The following APOLD1 variants were observed in gnomAD, a reference collection of about 807,000 sequenced individuals.
APOLD1 encodes apolipoprotein L domain containing 1.
A neutral mutation model predicts 15.3 loss-of-function variants in APOLD1; 22 were observed. The ratio of observed to expected loss-of-function variants is 1.44; its 90% CI spans 1.03 to 2.05. APOLD1 has a LOEUF of 2.05. Among genes scored for constraint, APOLD1 ranks in the 30% most tolerant of loss-of-function variants. The probability of loss-of-function intolerance (pLI) is 0.00; values close to 1 mark genes in which losing one functional copy is unlikely to be tolerated. For missense variants in APOLD1, 394 were observed against 353.5 expected (o/e 1.11, Z -0.92); for synonymous variants, 190 against 167.4 (o/e 1.13, Z -1.04).
intron 1 of APOLD1, among the ~76,000 whole-genome samples, chr12:12,769,756 G>C (rs77587146): frequency 0.066 from 10,053 of 152,244 alleles, 501 homozygotes; most frequent in East Asian, 0.2. Flanking sequence ...CTCCAGCCTA[G>C]TCTAGCTATG....
chr12:12,788,733 C>G lies in APOLD1; in HGVS notation c.*1081C>G, dbSNP rs1233776663. On this transcript the variant is annotated 3_prime_UTR_variant, in exon 2 of 2. Coordinates refer to ENST00000356591, the MANE Select transcript of APOLD1 (RefSeq NM_030817.3). ...GTTTAAACAATTTCTCTGGGTGGTT[C>G]TGCGGCACACTAAGGTTTGAAAATC... 3.3e-5 allele frequency: 5 copies of G among 152,178 alleles called. No homozygotes were observed. Among genetic ancestry groups the G allele is most frequent in the Non-Finnish European group, 7.3e-5 (5 of 68,034 alleles). 9.4% of individuals were successfully genotyped at this position (152,178 alleles called of 1,614,324 possible). A position where few individuals can be genotyped will look rare whatever the true frequency, so the allele number is the denominator to read the frequency against.
chr12:12,743,698 G>A (rs1946743940), intron 1 of APOLD1, among the ~76,000 whole-genome samples: 1 of 152,214 alleles, frequency 6.6e-6, no homozygotes, highest in South Asian at 2.1e-4. Context: ...ATTGTTTGCT[G>A]ATTTGCTGAC....
chr12:12,768,611 C>A (rs1417052554), intron 1 of APOLD1, among the ~76,000 whole-genome samples: 2 of 151,714 alleles, frequency 1.3e-5, no homozygotes, highest in Non-Finnish European at 2.9e-5. Context: ...CTAATCACGC[C>A]ACTGCACTCC....
At chr12:12,753,689 G>A (rs960410268) in intron 1 of APOLD1, among the ~76,000 whole-genome samples, 2 of 151,796 alleles carry the variant, frequency 1.3e-5, no homozygotes, top group African/African-American at 4.8e-5. Context: ...GTTCCAGAAA[G>A]AAAGAAATAT....
chr12:12,757,937 CTTTTT>C (rs144139766), intron 1 of APOLD1, among the ~76,000 whole-genome samples: 1 of 121,394 alleles, frequency 8.2e-6, no homozygotes, highest in Non-Finnish European at 1.7e-5. Context: ...AATTCAATAT[CTTTTT>C]TTTTTTTTTT....
chr12:12,738,249 C>T (rs1946705208), intron 1 of APOLD1, among the ~76,000 whole-genome samples: 1 of 134,682 alleles, frequency 7.4e-6, no homozygotes, highest in African/African-American at 2.8e-5. Context: ...TGCTCTATTG[C>T]CCAGGCTGCA....
At chr12:12,784,287 G>A (rs1213987515), upstream of APOLD1, among the ~76,000 whole-genome samples, 1 of 152,184 alleles carries the variant, frequency 6.6e-6, no homozygotes, top group Non-Finnish European at 1.5e-5. Flanking sequence ...TCAGTGGTAT[G>A]TTCCCTCTTG....
chr12:12,739,654 C>T (rs1455468820), intron 1 of APOLD1, among the ~76,000 whole-genome samples: 3 of 151,838 alleles, frequency 2.0e-5, no homozygotes, highest in Admixed American at 6.6e-5. Context: ...TATTTTTTTC[C>T]TAGTGAACTT....
chr12:12,775,951 C>G (rs1270387340), intron 1 of APOLD1, among the ~76,000 whole-genome samples: 3 of 124,618 alleles, frequency 2.4e-5, no homozygotes, highest in South Asian at 2.8e-4. Context: ...TTACAGTGAG[C>G]TATGATCATG....
intron 1 of APOLD1, among the ~76,000 whole-genome samples, chr12:12,732,818 A>C (rs150447359): frequency 6.6e-6 from 1 of 152,282 alleles, no homozygotes; most frequent in Non-Finnish European, 1.5e-5. Context: ...CAGACGTATG[A>C]CTAAAGATAT....
At chr12:12,769,674 T>C (rs1354515572) in intron 1 of APOLD1, among the ~76,000 whole-genome samples, 1 of 152,180 alleles carries the variant, frequency 6.6e-6, no homozygotes, top group Non-Finnish European at 1.5e-5. Context: ...TCAGGAGAAA[T>C]TACTTAACTG....
upstream of APOLD1, chr12:12,785,646 C>G (rs1208353612): frequency 1.9e-6 from 3 of 1,614,148 alleles, no homozygotes; most frequent in Admixed American, 5.0e-5. Flanking sequence ...CACACTCATC[C>G]AGAAACAGCC....
intron 1 of APOLD1, among the ~76,000 whole-genome samples, chr12:12,756,001 A>G (rs995463222): frequency 8.5e-5 from 13 of 152,216 alleles, no homozygotes; most frequent in Admixed American, 7.9e-4. Context: ...ATATAAGTCT[A>G]TATCCTATTA....
intron 1 of APOLD1, among the ~76,000 whole-genome samples, chr12:12,747,128 T>G (rs960731562): frequency 6.6e-6 from 1 of 152,186 alleles, no homozygotes; most frequent in Non-Finnish European, 1.5e-5. Flanking sequence ...TATATTTTTT[T>G]CTAGAGACAG....
At chr12:12,728,690 AAGAG>A (rs1555087038) in intron 1 of APOLD1, among the ~76,000 whole-genome samples, 26 of 139,328 alleles carry the variant, frequency 1.9e-4, no homozygotes, top group Non-Finnish European at 3.4e-4. Context: ...AAAAAAAAAA[AAGAG>A]AGAGAAAGAA....
At chr12:12,782,438 C>T (rs989126903), upstream of APOLD1, among the ~76,000 whole-genome samples, 6 of 152,266 alleles carry the variant, frequency 3.9e-5, no homozygotes, top group Admixed American at 1.3e-4. Context: ...AGCTCTTTCT[C>T]GTCCTTCCTA....
intron 1 of APOLD1, among the ~76,000 whole-genome samples, chr12:12,728,468 C>G (rs972144696): frequency 6.6e-6 from 1 of 151,732 alleles, no homozygotes; most frequent in Non-Finnish European, 1.5e-5. Context: ...GAGTTCTGGA[C>G]CAGCCTGGGC....
chr12:12,731,354 G>A (rs2136367735), intron 1 of APOLD1, among the ~76,000 whole-genome samples: 1 of 152,278 alleles, frequency 6.6e-6, no homozygotes, highest in South Asian at 2.1e-4. Flanking sequence ...AGTTAAAATG[G>A]TAAATTTTAT....
At chr12:12,757,863 C>T (rs1943217577) in intron 1 of APOLD1, among the ~76,000 whole-genome samples, 1 of 150,886 alleles carries the variant, frequency 6.6e-6, no homozygotes, top group Admixed American at 6.6e-5. Flanking sequence ...ACATATGCCT[C>T]ATAGATAAGG....
Sources: allele counts gnomAD v4.1 joint callset (sites outside exome capture counted in the v4.1 genomes callset), GRCh38; gene constraint gnomAD v4.1.1; transcripts MANE v1.5; gene names NCBI Gene and HGNC (gene_info 2026-07-23, HGNC 2026-07-21).